Variants in UNC5C observed in about 807,000 individuals in gnomAD.
UNC5C encodes the protein unc-5 netrin receptor C.
Under a neutral mutation model 99.8 loss-of-function variants are expected in UNC5C, and 47 were observed. That is an observed-to-expected ratio of 0.47 (90% CI 0.37 to 0.60). The LOEUF (loss-of-function observed/expected upper bound fraction) is 0.60, where lower values mean the gene tolerates loss of function less well. Among genes scored for constraint, UNC5C ranks in the 20% least tolerant of loss-of-function variants. The pLI is 0.00. For synonymous variants in UNC5C, 487 were observed against 452.2 expected, an observed-to-expected ratio of 1.08 and a Z score of -0.98; for missense variants, 1,062 against 1,165.9, an observed-to-expected ratio of 0.91 and a Z score of 1.30.
chr4:95,258,924 G>A (rs556056886), intron 4 of UNC5C, among the ~76,000 whole-genome samples: 5 of 149,214 alleles, frequency 3.4e-5, no homozygotes, highest in Non-Finnish European at 5.9e-5. Context: ...ACTGCGCCCG[G>A]CTAATTTTTT....
At chr4:95,296,478 T>A (rs954958897) in intron 3 of UNC5C, among the ~76,000 whole-genome samples, 12 of 152,344 alleles carry the variant, frequency 7.9e-5, no homozygotes, top group African/African-American at 2.9e-4. Context: ...ATGTACTTAA[T>A]GTTTGTGTGC....
intron 2 of UNC5C, among the ~76,000 whole-genome samples, chr4:95,331,475 G>T (rs1743108825): frequency 6.6e-6 from 1 of 152,052 alleles, no homozygotes; most frequent in South Asian, 2.1e-4. Flanking sequence ...CATGAGTCTA[G>T]TATGTCAGCC....
chr4:95,425,476 C>A (rs1258146138), intron 1 of UNC5C, among the ~76,000 whole-genome samples: 1 of 152,212 alleles, frequency 6.6e-6, no homozygotes, highest in Non-Finnish European at 1.5e-5. Flanking sequence ...CGCTCGCCAC[C>A]ACGCCCAGCT....
At chr4:95,395,306 C>G (rs954444749) in intron 1 of UNC5C, among the ~76,000 whole-genome samples, 2 of 152,206 alleles carry the variant, frequency 1.3e-5, no homozygotes, top group South Asian at 4.1e-4. Flanking sequence ...GTTGTATGGT[C>G]AAAATGCTGG....
intron 4 of UNC5C, among the ~76,000 whole-genome samples, chr4:95,272,564 G>C (rs1039874585): frequency 3.9e-5 from 6 of 152,152 alleles, no homozygotes; most frequent in Admixed American, 6.5e-5. Flanking sequence ...ACCCCAAAAA[G>C]TATGGGATGA....
intron 1 of UNC5C, among the ~76,000 whole-genome samples, chr4:95,337,154 A>C (rs1370448036): frequency 6.6e-6 from 1 of 151,890 alleles, no homozygotes; most frequent in Admixed American, 6.6e-5. Flanking sequence ...AGCTCCGCAA[A>C]ACATGACTCA....
At chr4:95,354,718 A>G (rs1744117688) in intron 1 of UNC5C, among the ~76,000 whole-genome samples, 1 of 151,868 alleles carries the variant, frequency 6.6e-6, no homozygotes, top group Non-Finnish European at 1.5e-5. Context: ...CCGGGGATCA[A>G]GTGATCCTTC....
At chr4:95,503,162 T>G (rs1721820184) in intron 1 of UNC5C, among the ~76,000 whole-genome samples, 1 of 152,078 alleles carries the variant, frequency 6.6e-6, no homozygotes. Context: ...TCAGCCTTCA[T>G]CAATGAATTA....
chr4:95,173,431 T>C (rs1236251288), intron 14 of UNC5C, among the ~76,000 whole-genome samples: 3 of 149,886 alleles, frequency 2.0e-5, no homozygotes, highest in Non-Finnish European at 4.4e-5. Flanking sequence ...ACCTAATTTA[T>C]TGAGAGTTTT....
intron 1 of UNC5C, among the ~76,000 whole-genome samples, chr4:95,365,231 G>C (rs1338391619): frequency 6.8e-6 from 1 of 147,990 alleles, no homozygotes; most frequent in Admixed American, 6.7e-5. Context: ...GGGAGGTGGA[G>C]GTTGCAGTGA....
At chr4:95,183,139 C>G in intron 13 of UNC5C, 78 bp from the exon 14 acceptor site, 1 of 1,405,420 alleles carries the variant, frequency 7.1e-7, no homozygotes, top group Non-Finnish European at 9.8e-7. Context: ...CTGCCAGGTA[C>G]TCTGAGTATC....
At chr4:95,270,048 T>A (rs1469993532) in intron 4 of UNC5C, among the ~76,000 whole-genome samples, 4 of 152,140 alleles carry the variant, frequency 2.6e-5, no homozygotes, top group Non-Finnish European at 5.9e-5. Context: ...CATTGATAGC[T>A]AATACTCTTC....
intron 1 of UNC5C, among the ~76,000 whole-genome samples, chr4:95,506,067 T>C (rs534943185): frequency 6.6e-6 from 1 of 152,068 alleles, no homozygotes; most frequent in Non-Finnish European, 1.5e-5. Context: ...TTTTAAAATT[T>C]ACATCATCCA....
At chr4:95,371,081 A>G (rs961400088) in intron 1 of UNC5C, among the ~76,000 whole-genome samples, 1 of 152,166 alleles carries the variant, frequency 6.6e-6, no homozygotes, top group Non-Finnish European at 1.5e-5. Flanking sequence ...AGAAATTAGA[A>G]ACTTCTAGTT....
At chr4:95,358,025 C>A in intron 1 of UNC5C, among the ~76,000 whole-genome samples, 1 of 152,080 alleles carries the variant, frequency 6.6e-6, no homozygotes, top group East Asian at 1.9e-4. Context: ...CTATCATAAA[C>A]CAATTATGTG....
intron 11 of UNC5C, 48 bp from the exon 12 acceptor site, chr4:95,203,012 G>A: frequency 6.3e-7 from 1 of 1,586,182 alleles, no homozygotes; most frequent in Non-Finnish European, 8.6e-7. Flanking sequence ...CAGGACGCAT[G>A]CCGGCCACCA....
intron 3 of UNC5C, among the ~76,000 whole-genome samples, chr4:95,296,689 G>T: frequency 6.6e-6 from 1 of 152,104 alleles, no homozygotes; most frequent in South Asian, 2.1e-4. Flanking sequence ...TATATATTGT[G>T]CTTGCTATTA....
At chr4:95,193,895 C>T (rs189939367) in intron 12 of UNC5C, among the ~76,000 whole-genome samples, 2 of 152,326 alleles carry the variant, frequency 1.3e-5, no homozygotes, top group East Asian at 1.9e-4. Flanking sequence ...CCATCCCTGG[C>T]GCCCGGCCTG....
intron 1 of UNC5C, among the ~76,000 whole-genome samples, chr4:95,369,601 A>G (rs1475197220): frequency 1.3e-5 from 2 of 152,126 alleles, no homozygotes; most frequent in African/African-American, 4.8e-5. Flanking sequence ...GTGTACTAAA[A>G]AGTTTCTTAA....
Sources: allele counts gnomAD v4.1 joint callset (sites outside exome capture counted in the v4.1 genomes callset), GRCh38; gene constraint gnomAD v4.1.1; transcripts MANE v1.5; gene names NCBI Gene and HGNC (gene_info 2026-07-23, HGNC 2026-07-21).